TRAF3IP3: variants seen among roughly 807,000 people sequenced by gnomAD.
TRAF3IP3 encodes the protein TRAF3-interacting JNK-activating modulator.
In TRAF3IP3, 64 loss-of-function variants were observed where a neutral mutation model predicts 86.5. The ratio of observed to expected loss-of-function variants is 0.74; its 90% CI spans 0.60 to 0.91. The LOEUF (loss-of-function observed/expected upper bound fraction) is 0.91. Among genes scored for constraint, TRAF3IP3 ranks in the 40% least tolerant of loss-of-function variants. TRAF3IP3 has a pLI of 0.00. For synonymous variants in TRAF3IP3, 220 were observed against 243.9 expected (o/e 0.90, Z 0.91); for missense variants, 579 against 642.9 (o/e 0.90, Z 1.07).
intron 6 of TRAF3IP3, 79 bp from the exon 7 acceptor site, chr1:209,763,284 C>T: frequency 1.3e-6 from 2 of 1,548,108 alleles, no homozygotes; most frequent in East Asian, 2.2e-5. Context: ...CTACACAAGC[C>T]AGCCCAGGCT....
At position 209,762,063 on chromosome 1, in the gene TRAF3IP3, C is replaced by T. The variant is rs529807027; in HGVS notation, c.346-452C>T. 3.8e-5 allele frequency among the ~76,000 whole-genome samples: 3 copies of T among 78,380 alleles called. No homozygotes were observed. The East Asian group carries it at 8.5e-4, about 22-fold the overall frequency. 51.4% of individuals were successfully genotyped at this position (78,380 alleles called of 152,430 possible). A position where few individuals can be genotyped will look rare whatever the true frequency, so the allele number is the denominator to read the frequency against. On this transcript the variant is annotated intron_variant, in intron 3 of 16. Coordinates refer to ENST00000367025, the MANE Select transcript of TRAF3IP3 (RefSeq NM_025228.4). Reference sequence around the variant, plus strand: ...TTTTGTGGATCTGAAACATTGTCTTCGTCCTGTAATGAATTACCACAGACT... The same window carrying T: ...TTTTGTGGATCTGAAACATTGTCTTTGTCCTGTAATGAATTACCACAGACT...
chr1:209,760,451 G>A (rs2077227060), intron 3 of TRAF3IP3, 67 bp downstream of exon 3: 6 of 1,371,290 alleles, frequency 4.4e-6, no homozygotes, highest in Non-Finnish European at 5.9e-6. Flanking sequence ...AGGGTGGGTG[G>A]GCTCAAGGTC....
chr1:209,762,106 G>C (rs527960442), intron 3 of TRAF3IP3, among the ~76,000 whole-genome samples: 1 of 152,294 alleles, frequency 6.6e-6, no homozygotes, highest in Non-Finnish European at 1.5e-5. Context: ...TTAAATAACA[G>C]AAATTTATTT....
At chr1:209,780,682 G>T in intron 15 of TRAF3IP3, 76 bp downstream of exon 15, 2 of 1,360,626 alleles carry the variant, frequency 1.5e-6, no homozygotes, top group Non-Finnish European at 9.7e-7. Flanking sequence ...CAAAAAGCAG[G>T]GATTTCAAAG....
intron 8 of TRAF3IP3, among the ~76,000 whole-genome samples, chr1:209,764,844 A>C (rs943139381): frequency 6.6e-6 from 1 of 152,068 alleles, no homozygotes; most frequent in African/African-American, 2.4e-5. Flanking sequence ...AATTATTGAA[A>C]ATATATAAGA....
intron 12 of TRAF3IP3, 59 bp from the exon 13 acceptor site, chr1:209,778,052 G>C (rs578019010): frequency 1.4e-6 from 2 of 1,429,332 alleles, no homozygotes; most frequent in Admixed American, 1.7e-5. Flanking sequence ...TCCATCCTAA[G>C]TACTGAGTTC....
At position 209,757,968 on chromosome 1, in the gene TRAF3IP3, C is replaced by T. The variant is rs1287318569; in HGVS notation, c.-159-1066C>T. On this transcript the variant is annotated intron_variant, in intron 1 of 16. Coordinates refer to ENST00000367025, the MANE Select transcript of TRAF3IP3 (RefSeq NM_025228.4). Reference sequence around the variant, plus strand: ...AAAAACACACACAGGTTGTAGGTGACAGAGCCAGGACATGAGTCCACGCAG... The same window carrying T: ...AAAAACACACACAGGTTGTAGGTGATAGAGCCAGGACATGAGTCCACGCAG... Among the ~76,000 whole-genome samples, 4 of 152,170 alleles carry T rather than the reference C, an allele frequency of 2.6e-5. No individual in the cohort carries two copies. In the East Asian group the frequency reaches 7.7e-4, roughly 29 times the overall value.
At chr1:209,780,444 C>T in intron 14 of TRAF3IP3, 26 bp from the exon 15 acceptor site, 1 of 1,533,910 alleles carries the variant, frequency 6.5e-7, no homozygotes, top group Non-Finnish European at 8.8e-7. Context: ...GCCTCACTGT[C>T]ACCAAGAATC....
In TRAF3IP3 at chr1:209,760,315, G is replaced by C. The variant is rs2076151; in HGVS notation, c.276G>C (p.Arg92=). The C allele has an allele frequency of 0.022, 35,277 of 1,613,694 alleles. 3,090 individuals are homozygous for C. In the Admixed American group the frequency reaches 0.23, roughly 11 times the overall value. The part of the protein sequence containing the change: ...PQAREQGPSR[R]PGQVTVLKEP... ...CCAGGGAGCAAGGGCCCTCCAGGCG[G>C]CCAGGACAGGTGACTGTCCTCAAGG... Residue 92 remains arginine (R), a synonymous_variant, in exon 3 of 17, where the codon CGG becomes CGC. Transcript: ENST00000367025.
At position 209,777,354 on chromosome 1, in the gene TRAF3IP3, A is replaced by T. The variant is rs775193391; in HGVS notation, c.1056A>T (p.Gly352=). 1 of 1,612,970 alleles carries T rather than the reference A, an allele frequency of 6.2e-7. No homozygotes were observed. The highest frequency in any genetic ancestry group is 1.1e-5 in the South Asian group (1 of 90,996). The change falls in exon 12 of 17, where the codon GGA becomes GGT. Residue 352 remains glycine, a splice_region_variant and synonymous_variant. Transcript: ENST00000367025. ...TTGGCCCTTCCTCCTCCTTACAGGG[A>T]GCAGATAGCAGGGACTTACAGATGA... ...QLHVLQSKLQ[G]ADSRDLQMNQ...
At chr1:209,764,585 T>C (rs2077305929) in intron 8 of TRAF3IP3, among the ~76,000 whole-genome samples, 1 of 151,582 alleles carries the variant, frequency 6.6e-6, no homozygotes, top group Non-Finnish European at 1.5e-5. Flanking sequence ...CTACTAAAAA[T>C]ACAAAAATAT....
At chr1:209,777,558 A>C in intron 12 of TRAF3IP3, 71 bp downstream of exon 12, 1 of 1,460,970 alleles carries the variant, frequency 6.8e-7, no homozygotes, top group Non-Finnish European at 9.2e-7. Context: ...AAGAAACTGA[A>C]TTAAGAGAAA....
intron 9 of TRAF3IP3, 90 bp downstream of exon 9, chr1:209,773,109 C>G: frequency 8.7e-7 from 1 of 1,149,980 alleles, no homozygotes; most frequent in South Asian, 1.4e-5. Flanking sequence ...TCGAGAAACA[C>G]CACCAGATAG....
rs1249718185 is a variant in TRAF3IP3 at position 209,759,105 on chromosome 1, C to A, written c.-88C>A. On this transcript the variant is annotated 5_prime_UTR_variant, in exon 2 of 17. Transcript: ENST00000367025. The stretch of plus-strand genomic sequence containing the variant: ...CAATCTGTGTCTGGGCTAAGGAAAG[C>A]AGACTTGGCACCAACATTAACCCTG... The A allele has an allele frequency of 6.6e-6, 1 of 152,212 alleles. No individual in the cohort carries two copies. Among genetic ancestry groups the A allele is most frequent in the African/African-American group, 2.4e-5 (1 of 41,444 alleles). 9.4% of individuals were successfully genotyped at this position (152,212 alleles called of 1,614,324 possible).
intron 9 of TRAF3IP3, among the ~76,000 whole-genome samples, chr1:209,774,735 G>C (rs144475157): frequency 6.6e-6 from 1 of 152,140 alleles, no homozygotes; most frequent in Non-Finnish European, 1.5e-5. Context: ...TACAGGAAGT[G>C]GCAAGATCAG....
chr1:209,768,231 C>G (rs965014630), intron 8 of TRAF3IP3: 2 of 985,244 alleles, frequency 2.0e-6, no homozygotes, highest in African/African-American at 1.7e-5. Flanking sequence ...TCCAACTTCA[C>G]ATGCTGAGAA....
Position 209,771,902 on chromosome 1 carries a change from T to C in TRAF3IP3, c.703-1046T>C, listed in dbSNP as rs2077546280. Among the ~76,000 whole-genome samples, 2 of 110,594 alleles carry C rather than the reference T, an allele frequency of 1.8e-5. 1 individual carries two copies. Among genetic ancestry groups the C allele is most frequent in the Non-Finnish European group, 4.0e-5 (2 of 50,116 alleles). 72.6% of individuals were successfully genotyped at this position (110,594 alleles called of 152,430 possible). ...GGAGGTGTGTGCGCGCATGTGAAGG[T>C]GTGTGTGTATATGGAGGTGTGCGTG... On this transcript the variant is annotated intron_variant, in intron 8 of 16. Transcript: ENST00000367025.
chr1:209,772,937 A>G lies in TRAF3IP3; in HGVS notation c.703-11A>G. On this transcript the variant is annotated splice_polypyrimidine_tract_variant and intron_variant, in intron 8 of 16. Transcript: ENST00000367025. ...TGCCCCAAGCTCATTAACTCATCCC[A>G]TTTGCTCCAGGGACAGCTTAATGAA... 2 of 1,613,484 alleles carry G rather than the reference A, an allele frequency of 1.2e-6. No homozygotes were observed. The highest frequency in any genetic ancestry group is 1.7e-6 in the Non-Finnish European group (2 of 1,179,678).
In TRAF3IP3 at chr1:209,765,293, T is replaced by G. The variant is rs1173769834; in HGVS notation, c.702+1706T>G. Among the ~76,000 whole-genome samples the G allele has an allele frequency of 2.1e-3, 244 of 115,864 alleles. 4 individuals carry two copies. The highest frequency in any genetic ancestry group is 6.9e-3 in the African/African-American group (203 of 29,214). 76.0% of individuals were successfully genotyped at this position (115,864 alleles called of 152,430 possible). A position where few individuals can be genotyped will look rare whatever the true frequency, so the allele number is the denominator to read the frequency against. ...AGGAAGGAAGGAAGGAAGGAAGAAA[T>G]TAAGATAGAAATTGAGAAAGAATTA... On this transcript the variant is annotated intron_variant, in intron 8 of 16. Coordinates refer to ENST00000367025, the MANE Select transcript of TRAF3IP3 (RefSeq NM_025228.4).
Sources: allele counts gnomAD v4.1 joint callset (sites outside exome capture counted in the v4.1 genomes callset), GRCh38; gene constraint gnomAD v4.1.1; transcripts MANE v1.5; gene names NCBI Gene and HGNC (gene_info 2026-07-23, HGNC 2026-07-21).